The following CHL1 variants were observed in gnomAD, a reference collection of about 807,000 sequenced individuals.
The protein encoded by CHL1 is cell adhesion molecule L1 like.
Under a neutral mutation model 141.9 loss-of-function variants are expected in CHL1, and 96 were observed. The observed-to-expected ratio is 0.68, with a 90% CI of 0.57 to 0.80. The LOEUF (loss-of-function observed/expected upper bound fraction) is 0.80, where lower values mean the gene tolerates loss of function less well. Ranked by LOEUF, CHL1 falls within the 30% of genes least tolerant of loss-of-function variation. CHL1 has a pLI of 0.00. For missense variants in CHL1, 1,820 were observed against 1,457.2 expected (o/e 1.25, Z -4.05); for synonymous variants, 613 against 502.2 (o/e 1.22, Z -2.95).
intron 15 of CHL1, among the ~76,000 whole-genome samples, chr3:366,938 C>G (rs557265311): frequency 6.6e-6 from 1 of 152,262 alleles, no homozygotes; most frequent in South Asian, 2.1e-4. Flanking sequence ...TTCAATCTCA[C>G]ATGAGTTTAT....
At chr3:215,883 A>G (rs879570718) in intron 1 of CHL1, among the ~76,000 whole-genome samples, 9 of 152,088 alleles carry the variant, frequency 5.9e-5, no homozygotes, top group Non-Finnish European at 1.0e-4. Context: ...TGAGTTTACC[A>G]TTTTGTGATT....
rs555557287 is a variant in CHL1 at position 398,316 on chromosome 3, C to G, written c.3184C>G (p.Arg1062Gly). 2 of 1,607,406 alleles carry G rather than the reference C, an allele frequency of 1.2e-6. No homozygotes were observed. The highest frequency in any genetic ancestry group is 8.5e-7 in the Non-Finnish European group (1 of 1,174,074). ...VFEPGAEHIV[R>G]LMTKNWGDND... ...TGAGCCGGGAGCTGAACATATAGTT[C>G]GCCTAATGACTAAGAATTGGGGCGA... The change falls in exon 25 of 28, where the codon CGC becomes GGC. Residue 1062 changes from arginine to glycine, a missense_variant. Physicochemically the swap from Arg to Gly is moderately radical, Grantham distance 125 (BLOSUM62 -2). Transcript: ENST00000256509.
At chr3:397,109 T>C (rs926890822) in intron 24 of CHL1, among the ~76,000 whole-genome samples, 5 of 152,278 alleles carry the variant, frequency 3.3e-5, no homozygotes, top group African/African-American at 1.2e-4. Flanking sequence ...ATGGAGTTAA[T>C]CAGAAATATT....
chr3:381,149 C>T (rs997977779), intron 16 of CHL1, among the ~76,000 whole-genome samples: 3 of 152,068 alleles, frequency 2.0e-5, no homozygotes, highest in Non-Finnish European at 4.4e-5. Context: ...TTCTGATGTC[C>T]CTGGTCAAGG....
chr3:308,059 T>C (rs1360964075), intron 2 of CHL1, among the ~76,000 whole-genome samples: 1 of 152,198 alleles, frequency 6.6e-6, no homozygotes, highest in Admixed American at 6.5e-5. Context: ...TATGGAATTA[T>C]TGTGAGAAGC....
rs563942956 is a variant in CHL1 at position 398,333 on chromosome 3, T to C, written c.3201T>C (p.Asn1067=). 2 of 1,607,978 alleles carry C rather than the reference T, an allele frequency of 1.2e-6. No individual in the cohort carries two copies. Among genetic ancestry groups the C allele is most frequent in the Non-Finnish European group, 1.7e-6 (2 of 1,174,524 alleles). The part of the protein sequence containing the change: ...AEHIVRLMTK[N]WGDNDSIFQD... ...ATATAGTTCGCCTAATGACTAAGAATTGGGGCGATAATGATAGCATTTTTC... is the reference window on the plus strand; with the variant it reads ...ATATAGTTCGCCTAATGACTAAGAACTGGGGCGATAATGATAGCATTTTTC... Residue 1067 remains asparagine (N), a synonymous_variant, in exon 25 of 28, where the codon AAT becomes AAC. Transcript: ENST00000256509.
chr3:221,521 C>G (rs1208480546), intron 1 of CHL1, among the ~76,000 whole-genome samples: 2 of 152,120 alleles, frequency 1.3e-5, no homozygotes, highest in Non-Finnish European at 2.9e-5. Flanking sequence ...AAATCTCATC[C>G]CTTTTACTTT....
intron 15 of CHL1, among the ~76,000 whole-genome samples, chr3:372,919 G>A (rs7645588): frequency 2.0e-5 from 3 of 151,618 alleles, no homozygotes; most frequent in African/African-American, 7.3e-5. Context: ...TCTGGTTCAC[G>A]CCTATGCCTG....
At chr3:241,158 C>T (rs1025903670) in intron 1 of CHL1, among the ~76,000 whole-genome samples, 4 of 152,070 alleles carry the variant, frequency 2.6e-5, no homozygotes, top group Admixed American at 2.6e-4. Context: ...TTAATTTTGT[C>T]TAGATGGAGT....
chr3:320,490 C>G (rs940269637), intron 3 of CHL1, among the ~76,000 whole-genome samples: 2 of 151,696 alleles, frequency 1.3e-5, no homozygotes, highest in Non-Finnish European at 2.9e-5. Flanking sequence ...CATTATAAAT[C>G]AGTTTGAACG....
At chr3:402,542 T>C (rs2106432353) in intron 27 of CHL1, among the ~76,000 whole-genome samples, 1 of 152,362 alleles carries the variant, frequency 6.6e-6, no homozygotes, top group South Asian at 2.1e-4. Context: ...GTATTGATTT[T>C]AGCACATGGG....
intron 3 of CHL1, among the ~76,000 whole-genome samples, chr3:323,230 C>T (rs1396031930): frequency 6.6e-6 from 1 of 152,034 alleles, no homozygotes; most frequent in East Asian, 1.9e-4. Context: ...TATATAAGGT[C>T]ATTGATTAAA....
intron 19 of CHL1, among the ~76,000 whole-genome samples, chr3:385,505 C>T (rs1442861288): frequency 1.3e-5 from 2 of 152,144 alleles, no homozygotes; most frequent in African/African-American, 2.4e-5. Flanking sequence ...ATTATTAATG[C>T]TCTCTTCTTG....
intron 1 of CHL1, among the ~76,000 whole-genome samples, chr3:223,101 G>A (rs1237775253): frequency 6.6e-6 from 1 of 152,156 alleles, no homozygotes; most frequent in Non-Finnish European, 1.5e-5. Flanking sequence ...TATTTCCAAT[G>A]TAAGGTAATA....
intron 1 of CHL1, among the ~76,000 whole-genome samples, chr3:215,030 C>A (rs539910120): frequency 5.3e-4 from 81 of 152,048 alleles, no homozygotes; most frequent in African/African-American, 1.9e-3. Context: ...GTGTTGAATC[C>A]ATTCTCTTAG....
intron 8 of CHL1, 38 bp downstream of exon 8, chr3:343,069 T>G: frequency 1.3e-6 from 2 of 1,506,778 alleles, no homozygotes; most frequent in Non-Finnish European, 9.0e-7. Flanking sequence ...CATTTGTGTA[T>G]AGCTCATTGT....
chr3:239,728 A>G (rs1021042151), intron 1 of CHL1, among the ~76,000 whole-genome samples: 10 of 151,816 alleles, frequency 6.6e-5, no homozygotes, highest in African/African-American at 1.9e-4. Context: ...AATGAACCCA[A>G]TTTGTAGTCT....
At chr3:265,627 G>A (rs988777742) in intron 2 of CHL1, among the ~76,000 whole-genome samples, 1 of 152,176 alleles carries the variant, frequency 6.6e-6, no homozygotes, top group African/African-American at 2.4e-5. Context: ...AATGTTACTA[G>A]AATTCTATTC....
intron 2 of CHL1, 146 bp downstream of exon 2, chr3:244,838 A>G (rs187114974): frequency 1.5e-4 from 23 of 152,286 alleles, no homozygotes; most frequent in Admixed American, 1.0e-3. Flanking sequence ...GTAGATATGG[A>G]CCAGATATAT....
Sources: allele counts gnomAD v4.1 joint callset (sites outside exome capture counted in the v4.1 genomes callset), GRCh38; gene constraint gnomAD v4.1.1; transcripts MANE v1.5; gene names NCBI Gene and HGNC (gene_info 2026-07-23, HGNC 2026-07-21).